Variants in SYN3 observed in about 807,000 individuals in gnomAD.
SYN3 encodes synapsin-3.
In SYN3, 35 loss-of-function variants were observed where a neutral mutation model predicts 65.8. The observed-to-expected ratio is 0.53, with a 90% confidence interval of 0.41 to 0.70. The LOEUF (loss-of-function observed/expected upper bound fraction) is 0.70, where lower values mean the gene tolerates loss of function less well. Ranked by LOEUF, SYN3 falls within the 30% of genes least tolerant of loss-of-function variation. SYN3 has a pLI of 0.00. For synonymous variants in SYN3, 270 were observed against 292.9 expected, an observed-to-expected ratio of 0.92 and a Z score of 0.80; for missense variants, 680 against 749.0, an observed-to-expected ratio of 0.91 and a Z score of 1.08.
intron 1 of SYN3, among the ~76,000 whole-genome samples, chr22:33,042,859 T>C (rs553257213): frequency 1.3e-5 from 2 of 152,286 alleles, no homozygotes; most frequent in East Asian, 3.9e-4. Context: ...GCTAAAGTAG[T>C]GCTCCATGAA....
chr22:33,039,917 A>C (rs2145929471), intron 1 of SYN3, among the ~76,000 whole-genome samples: 1 of 152,270 alleles, frequency 6.6e-6, no homozygotes, highest in East Asian at 1.9e-4. Flanking sequence ...CCTACCAGAA[A>C]GTGTTAGCTC....
At chr22:32,836,305 G>T (rs1392075646) in intron 6 of SYN3, among the ~76,000 whole-genome samples, 5 of 152,166 alleles carry the variant, frequency 3.3e-5, no homozygotes, top group Admixed American at 3.3e-4. Flanking sequence ...AAGAGGTTTA[G>T]GCACCATGAT....
intron 8 of SYN3, among the ~76,000 whole-genome samples, chr22:32,539,326 G>A: frequency 6.6e-6 from 1 of 151,732 alleles, no homozygotes; most frequent in Non-Finnish European, 1.5e-5. Flanking sequence ...AAGTGGAATA[G>A]ATGGTGGATG....
At chr22:32,861,632 A>C (rs2048541016) in intron 6 of SYN3, 1 of 152,600 alleles carries the variant, frequency 6.6e-6, no homozygotes, top group Non-Finnish European at 1.5e-5. Flanking sequence ...AGTGTGAGGC[A>C]CCTGAAGTTT....
chr22:32,533,957 A>G, intron 9 of SYN3, 62 bp from the exon 10 acceptor site: 1 of 1,137,084 alleles, frequency 8.8e-7, no homozygotes, highest in Non-Finnish European at 1.3e-6. Flanking sequence ...GGGTAGAGGG[A>G]GAGAAGTGGA....
chr22:32,849,824 C>A (rs1353050555), intron 6 of SYN3, among the ~76,000 whole-genome samples: 1 of 152,116 alleles, frequency 6.6e-6, no homozygotes, highest in Non-Finnish European at 1.5e-5. Flanking sequence ...TAGCTCGTAA[C>A]CATGAGACCT....
chr22:32,824,235 G>A (rs187734121), intron 6 of SYN3, among the ~76,000 whole-genome samples: 83 of 143,894 alleles, frequency 5.8e-4, no homozygotes, highest in Middle Eastern at 3.7e-3. Context: ...ACGACACCTC[G>A]CCACTGCACT....
rs1267252787 is a variant in SYN3, at chr22:32,510,102, G to A, written c.*3590C>T. 1.3e-5 allele frequency among the ~76,000 whole-genome samples: 2 copies of A among 152,162 alleles called. No individual in the cohort carries two copies. The highest frequency in any genetic ancestry group is 2.4e-5 in the African/African-American group (1 of 41,430). ...AATATGGGAGAATTTAGGCCATGTGGTCATTGTTCACGGGGCCACTAGTTT... is the reference window on the plus strand; with the variant it reads ...AATATGGGAGAATTTAGGCCATGTGATCATTGTTCACGGGGCCACTAGTTT... On this transcript the variant is annotated 3_prime_UTR_variant, in exon 14 of 14. Coordinates refer to ENST00000358763, the MANE Select transcript of SYN3 (RefSeq NM_003490.4).
Position 32,564,482 on chromosome 22 carries a change from G to A in SYN3, c.775-22769C>T, listed in dbSNP as rs527899769. The stretch of plus-strand genomic sequence containing the variant: ...CTAAGTAACTTTCCCAAGGTCACAC[G>A]GCTAGTAAATGACAGAGCTGTGATT... On this transcript the variant is annotated intron_variant, in intron 7 of 13. Coordinates refer to ENST00000358763, the MANE Select transcript of SYN3 (RefSeq NM_003490.4). Among the ~76,000 whole-genome samples the A allele has an allele frequency of 5.9e-5, 9 of 152,302 alleles. No individual in the cohort carries two copies. The East Asian group carries it at 1.7e-3, about 29-fold the overall frequency.
intron 6 of SYN3, among the ~76,000 whole-genome samples, chr22:32,694,908 A>G (rs538732889): frequency 6.6e-6 from 1 of 152,328 alleles, no homozygotes; most frequent in East Asian, 1.9e-4. Context: ...ACTGGCTTTT[A>G]AATTTGAAAT....
intron 7 of SYN3, among the ~76,000 whole-genome samples, chr22:32,546,607 G>A (rs1451649745): frequency 6.6e-6 from 1 of 152,092 alleles, no homozygotes; most frequent in Non-Finnish European, 1.5e-5. Flanking sequence ...TGGGGTGAGA[G>A]GGCACTGGGG....
intron 6 of SYN3, among the ~76,000 whole-genome samples, chr22:32,642,969 A>G (rs1485985991): frequency 1.3e-5 from 2 of 152,218 alleles, no homozygotes; most frequent in East Asian, 1.9e-4. Context: ...TTGTATTAAT[A>G]TGCTGATCCA....
chr22:32,523,515 A>AAAC (rs2057924550), intron 12 of SYN3, among the ~76,000 whole-genome samples: 1 of 152,124 alleles, frequency 6.6e-6, no homozygotes, highest in Non-Finnish European at 1.5e-5. Flanking sequence ...TCCATCTCAA[A>AAAC]AAACAAACAA....
chr22:32,714,860 C>A (rs895370062), intron 6 of SYN3, among the ~76,000 whole-genome samples: 1 of 152,058 alleles, frequency 6.6e-6, no homozygotes, highest in African/African-American at 2.4e-5. Flanking sequence ...TACATGAGGC[C>A]AGGTATATAA....
intron 7 of SYN3, chr22:32,583,336 G>A (rs571162542): frequency 2.6e-5 from 4 of 152,338 alleles, no homozygotes; most frequent in African/African-American, 9.6e-5. Context: ...TCACTTCCAG[G>A]AAGCTTGCTG....
intron 6 of SYN3, among the ~76,000 whole-genome samples, chr22:32,683,405 G>A (rs1240127701): frequency 6.6e-6 from 1 of 151,986 alleles, no homozygotes; most frequent in Non-Finnish European, 1.5e-5. Flanking sequence ...CTCCTTCCTG[G>A]TGCCATTTCT....
intron 6 of SYN3, among the ~76,000 whole-genome samples, chr22:32,608,996 A>G (rs2059405577): frequency 1.3e-5 from 2 of 151,718 alleles, no homozygotes; most frequent in Admixed American, 1.3e-4. Context: ...TGTACTATTT[A>G]TTGTAAAAAT....
intron 13 of SYN3, among the ~76,000 whole-genome samples, chr22:32,515,790 C>T (rs536566374): frequency 1.1e-4 from 16 of 151,986 alleles, no homozygotes; most frequent in Admixed American, 3.3e-4. Flanking sequence ...CGAAGAAACT[C>T]GGTGCTCCAG....
intron 6 of SYN3, among the ~76,000 whole-genome samples, chr22:32,748,569 A>G (rs1363812137): frequency 6.6e-6 from 1 of 152,194 alleles, no homozygotes; most frequent in East Asian, 1.9e-4. Context: ...GAATTCATTC[A>G]TTATTTCATG....
Sources: gnomAD v4.1 joint callset for allele counts (sites outside exome capture counted in the v4.1 genomes callset) on GRCh38, gnomAD v4.1.1 for gene constraint, MANE v1.5 for transcripts, NCBI Gene and HGNC (gene_info 2026-07-23, HGNC 2026-07-21) for gene names.